The following ANXA4 variants were observed in gnomAD, a reference collection of about 807,000 sequenced individuals.
ANXA4 encodes the protein annexin A4.
In ANXA4, 39 loss-of-function variants were observed where a neutral mutation model predicts 49.8. That is an observed-to-expected ratio of 0.78 (90% CI 0.61 to 1.02). The LOEUF (loss-of-function observed/expected upper bound fraction) is 1.02, where lower values mean the gene tolerates loss of function less well. ANXA4 is among the 50% of genes least tolerant of loss of function. ANXA4 has a pLI of 0.00. For missense variants in ANXA4, 360 were observed against 410.1 expected, an observed-to-expected ratio of 0.88 and a Z score of 1.05; for synonymous variants, 134 against 152.5, an observed-to-expected ratio of 0.88 and a Z score of 0.89.
At position 69,729,124 on chromosome 2, in the gene ANXA4, G is replaced by T. The variant is rs535279905; in HGVS notation, n.864+8253G>T. On this transcript the variant is annotated intron_variant and non_coding_transcript_variant, in intron 3 of 3. Transcript: ENST00000418066. Reference sequence around the variant, plus strand: ...CACCACCCGGGTTCAAGCAATTCTCGTGCCTCAGCTTCCCAAGTAGCTGGG... The same window carrying T: ...CACCACCCGGGTTCAAGCAATTCTCTTGCCTCAGCTTCCCAAGTAGCTGGG... 2.0e-5 allele frequency among the ~76,000 whole-genome samples: 3 copies of T among 152,198 alleles called. No homozygotes were observed. The East Asian group carries it at 5.8e-4, about 29-fold the overall frequency.
upstream of ANXA4, among the ~76,000 whole-genome samples, chr2:69,738,715 C>T (rs1670305005): frequency 6.6e-6 from 1 of 152,208 alleles, no homozygotes; most frequent in African/African-American, 2.4e-5. Context: ...GGAAATCTGA[C>T]CCTGAGCCTG....
At chr2:69,690,935 A>C (rs1218637114) in intron 2 of ANXA4, among the ~76,000 whole-genome samples, 1 of 152,226 alleles carries the variant, frequency 6.6e-6, no homozygotes, top group Non-Finnish European at 1.5e-5. Context: ...GGGAAGAAAC[A>C]TCCTGAAATA....
intron 2 of ANXA4, among the ~76,000 whole-genome samples, chr2:69,786,473 C>T (rs1463071946): frequency 6.6e-6 from 1 of 152,174 alleles, no homozygotes; most frequent in Non-Finnish European, 1.5e-5. Flanking sequence ...GTCCCTATCT[C>T]CTTTCTCAAA....
chr2:69,747,155 G>C (rs1375234246), intron 1 of ANXA4, among the ~76,000 whole-genome samples: 1 of 152,108 alleles, frequency 6.6e-6, no homozygotes, highest in Non-Finnish European at 1.5e-5. Flanking sequence ...AAGTCTTCAA[G>C]AGACCTCCAG....
chr2:69,671,732 A>C (rs1677198704), intron 2 of ANXA4, among the ~76,000 whole-genome samples: 1 of 152,182 alleles, frequency 6.6e-6, no homozygotes, highest in Non-Finnish European at 1.5e-5. Context: ...CAAAAAATAT[A>C]TATATATACA....
intron 2 of ANXA4, among the ~76,000 whole-genome samples, chr2:69,786,283 T>C (rs1672411603): frequency 6.6e-6 from 1 of 152,212 alleles, no homozygotes; most frequent in Non-Finnish European, 1.5e-5. Flanking sequence ...GCAAGTTCTG[T>C]CGCCTTTGCT....
intron 2 of ANXA4, among the ~76,000 whole-genome samples, chr2:69,662,889 T>C (rs1676773810): frequency 6.6e-6 from 1 of 152,164 alleles, no homozygotes; most frequent in Non-Finnish European, 1.5e-5. Flanking sequence ...AAAATACTCA[T>C]GTACTATAAG....
At chr2:69,722,929 T>C (rs1258017453) in intron 3 of ANXA4, among the ~76,000 whole-genome samples, 1 of 151,310 alleles carries the variant, frequency 6.6e-6, no homozygotes, top group Non-Finnish European at 1.5e-5. Flanking sequence ...TCCCAGCACT[T>C]TGGGAGGCCG....
intron 1 of ANXA4, among the ~76,000 whole-genome samples, chr2:69,647,710 CT>C (rs916067065): frequency 1.1e-4 from 15 of 142,298 alleles, no homozygotes; most frequent in Middle Eastern, 3.7e-3. Flanking sequence ...CGCCCAGCCA[CT>C]TTTTAAAAAA....
At chr2:69,774,419 A>T (rs1021652974) in intron 1 of ANXA4, among the ~76,000 whole-genome samples, 1 of 138,510 alleles carries the variant, frequency 7.2e-6, no homozygotes, top group African/African-American at 2.7e-5. Context: ...GCTCACTGCA[A>T]CCTCCGCCTC....
intron 1 of ANXA4, among the ~76,000 whole-genome samples, chr2:69,745,929 G>A (rs576532037): frequency 1.3e-5 from 2 of 152,168 alleles, no homozygotes; most frequent in Non-Finnish European, 2.9e-5. Flanking sequence ...AGGAAACTTA[G>A]GTTTTGGTCA....
rs145659518 is a variant in ANXA4, at chr2:69,669,645, A to G, written n.766+16363A>G. On this transcript the variant is annotated intron_variant and non_coding_transcript_variant, in intron 2 of 3. Coordinates refer to the ANXA4 transcript ENST00000418066. ...AAAGAATCATAGATTTTACCATACA[A>G]TAAATACCAAAACCACTGTAACAAG... is the stretch of plus-strand genomic sequence containing the variant. 3.3e-5 allele frequency among the ~76,000 whole-genome samples: 5 copies of G among 152,182 alleles called. No individual in the cohort carries two copies. The East Asian group carries it at 7.7e-4, about 24-fold the overall frequency.
At chr2:69,789,920 A>G (rs1420063479) in intron 3 of ANXA4, among the ~76,000 whole-genome samples, 1 of 152,054 alleles carries the variant, frequency 6.6e-6, no homozygotes, top group Non-Finnish European at 1.5e-5. Context: ...CCTCAATCTT[A>G]CTGCGCCTAA....
intron 2 of ANXA4, among the ~76,000 whole-genome samples, chr2:69,683,075 C>T (rs182635260): frequency 1.3e-5 from 2 of 152,258 alleles, no homozygotes; most frequent in Admixed American, 6.5e-5. Flanking sequence ...AGTGTTTATA[C>T]ACACAGAGAG....
intron 2 of ANXA4, among the ~76,000 whole-genome samples, chr2:69,708,301 C>T (rs968459768): frequency 6.6e-6 from 1 of 152,178 alleles, no homozygotes; most frequent in African/African-American, 2.4e-5. Context: ...TCGCAATGAG[C>T]TCCTTTTCTA....
At chr2:69,683,558 G>A (rs1484636060) in intron 2 of ANXA4, among the ~76,000 whole-genome samples, 1 of 152,110 alleles carries the variant, frequency 6.6e-6, no homozygotes, top group Non-Finnish European at 1.5e-5. Context: ...AAACCAAAGA[G>A]GAACGATATG....
intron 8 of ANXA4, chr2:69,815,145 C>T (rs1453672580): frequency 6.6e-6 from 1 of 152,236 alleles, no homozygotes; most frequent in African/African-American, 2.4e-5. Context: ...CTCACAGAAA[C>T]ACCCAGAATA....
intron 1 of ANXA4, among the ~76,000 whole-genome samples, chr2:69,750,352 T>C (rs149993068): frequency 1.6e-3 from 238 of 152,340 alleles, no homozygotes; most frequent in African/African-American, 5.4e-3. Context: ...GGGTAGCTGG[T>C]TCCAAAAGAA....
At chr2:69,697,995 AAAG>A in intron 2 of ANXA4, among the ~76,000 whole-genome samples, 1 of 151,918 alleles carries the variant, frequency 6.6e-6, no homozygotes, top group East Asian at 1.9e-4. Flanking sequence ...AAAAAAAAAA[AAAG>A]AATACTATAG....
Sources: allele counts gnomAD v4.1 joint callset (sites outside exome capture counted in the v4.1 genomes callset), GRCh38; gene constraint gnomAD v4.1.1; transcripts MANE v1.5; gene names NCBI Gene and HGNC (gene_info 2026-07-23, HGNC 2026-07-21).